Variants in FMN1 observed in about 807,000 individuals in gnomAD.
The protein encoded by FMN1 is formin-1.
Under a neutral mutation model 132.4 loss-of-function variants are expected in FMN1, and 110 were observed. That is an observed-to-expected ratio of 0.83 (90% CI 0.71 to 0.97). The LOEUF is 0.97. Ranked by LOEUF, FMN1 falls within the 50% of genes least tolerant of loss-of-function variation. The pLI is 0.00. For missense variants in FMN1, 1,792 were observed against 1,705.3 expected, an observed-to-expected ratio of 1.05 and a Z score of -0.90; for synonymous variants, 722 against 651.7, an observed-to-expected ratio of 1.11 and a Z score of -1.64.
chr15:33,135,600 C>T (rs1014408774), intron 4 of FMN1, among the ~76,000 whole-genome samples: 99 of 152,292 alleles, frequency 6.5e-4, no homozygotes, highest in African/African-American at 2.2e-3. Context: ...AACAAGGAGG[C>T]CTCGTGCCAG....
chr15:33,088,558 G>A (rs2038788544), intron 5 of FMN1, among the ~76,000 whole-genome samples: 1 of 152,178 alleles, frequency 6.6e-6, no homozygotes, highest in African/African-American at 2.4e-5. Flanking sequence ...AGAGCGCTCT[G>A]AGAACACTCA....
rs2060769333 is a variant in FMN1, at chr15:32,919,534, C to T, written c.3226+6640G>A. On this transcript the variant is annotated intron_variant, in intron 10 of 20. Coordinates refer to ENST00000616417, the MANE Select transcript of FMN1 (RefSeq NM_001277313.2). ...CCCAAAGCCATCAAAATTAGCAAGA[C>T]ATTTAAAAATATTACTAATCTTATT... 4.6e-5 allele frequency among the ~76,000 whole-genome samples: 7 copies of T among 152,274 alleles called. 1 individual carries two copies. In the South Asian group the frequency reaches 1.4e-3, roughly 32 times the overall value.
intron 7 of FMN1, among the ~76,000 whole-genome samples, chr15:32,987,777 T>C (rs942144206): frequency 1.3e-5 from 2 of 152,172 alleles, no homozygotes; most frequent in African/African-American, 4.8e-5. Context: ...AAGCATAGAA[T>C]TAAATCCGAA....
chr15:32,935,259 A>G (rs2061236478), intron 9 of FMN1, among the ~76,000 whole-genome samples: 1 of 152,000 alleles, frequency 6.6e-6, no homozygotes, highest in Non-Finnish European at 1.5e-5. Context: ...CTTACTTGGT[A>G]ATTTTCTTTC....
chr15:33,157,132 G>A (rs2140292793), intron 3 of FMN1, among the ~76,000 whole-genome samples: 1 of 152,172 alleles, frequency 6.6e-6, no homozygotes, highest in Admixed American at 6.5e-5. Context: ...GTGTGTGGTG[G>A]TGCATGCCTA....
intron 6 of FMN1, among the ~76,000 whole-genome samples, chr15:33,010,182 T>A (rs555077396): frequency 6.6e-5 from 10 of 152,156 alleles, no homozygotes; most frequent in Non-Finnish European, 1.0e-4. Flanking sequence ...AAAGGCACTA[T>A]GCAGAGTGAA....
chr15:33,118,089 TTC>T (rs762331292), intron 4 of FMN1, among the ~76,000 whole-genome samples: 15 of 152,208 alleles, frequency 9.9e-5, no homozygotes, highest in Non-Finnish European at 1.6e-4. Context: ...ATCACATGAA[TTC>T]TGAGAAAATG....
At chr15:33,127,370 TAC>T (rs1183610132) in intron 4 of FMN1, among the ~76,000 whole-genome samples, 1 of 152,178 alleles carries the variant, frequency 6.6e-6, no homozygotes, top group African/African-American at 2.4e-5. Context: ...ACTCTGTTCA[TAC>T]ACAGACCACC....
chr15:33,052,056 T>C (rs2036998524), intron 6 of FMN1, among the ~76,000 whole-genome samples: 1 of 152,212 alleles, frequency 6.6e-6, no homozygotes, highest in Non-Finnish European at 1.5e-5. Flanking sequence ...GAGGAAAGAA[T>C]TGAGGCCGAT....
In FMN1 at chr15:33,044,141, C is replaced by A. The variant is rs185606454; in HGVS notation, c.2161+20816G>T. Among the ~76,000 whole-genome samples the A allele has an allele frequency of 1.4e-3, 208 of 152,318 alleles. 1 individual carries two copies. Among genetic ancestry groups the A allele is most frequent in the African/African-American group, 4.4e-3 (184 of 41,566 alleles). On this transcript the variant is annotated intron_variant, in intron 6 of 20. Transcript: ENST00000616417. ...TGCCAGCCCCCTGGGGCCTTGGTGC[C>A]CTCAAGACTTTGGGCACCAATGAGC...
In FMN1 at chr15:33,010,914, T is replaced by A. The variant is rs944349922; in HGVS notation, c.2162-2839A>T. ...ACATATTTTACTAAAAAAAAAAAAA[T>A]AAACGCAGAAAGACAAGTGGGCAAG... On this transcript the variant is annotated intron_variant, in intron 6 of 20. Coordinates refer to ENST00000616417, the MANE Select transcript of FMN1 (RefSeq NM_001277313.2). Among the ~76,000 whole-genome samples, 256 of 148,956 alleles carry A rather than the reference T, an allele frequency of 1.7e-3. 2 individuals are homozygous for A. In the East Asian group the frequency reaches 0.037, roughly 22 times the overall value.
intron 6 of FMN1, among the ~76,000 whole-genome samples, chr15:33,017,740 G>A (rs1320492524): frequency 6.6e-6 from 1 of 152,144 alleles, no homozygotes; most frequent in African/African-American, 2.4e-5. Flanking sequence ...GTTTCTTACC[G>A]CTATGGTTTG....
At chr15:33,088,245 G>A (rs1361713358) in intron 5 of FMN1, among the ~76,000 whole-genome samples, 1 of 152,092 alleles carries the variant, frequency 6.6e-6, no homozygotes, top group East Asian at 1.9e-4. Context: ...AAACTGCAGA[G>A]GTTATTAAAA....
intron 16 of FMN1, among the ~76,000 whole-genome samples, chr15:32,859,870 T>A (rs2059223383): frequency 6.6e-6 from 1 of 152,010 alleles, no homozygotes; most frequent in Admixed American, 6.5e-5. Context: ...ACCTTGTCTC[T>A]CAAAAAAAAT....
chr15:33,155,894 C>T (rs965749977), intron 3 of FMN1, among the ~76,000 whole-genome samples: 1 of 152,152 alleles, frequency 6.6e-6, no homozygotes, highest in South Asian at 2.1e-4. Flanking sequence ...TGGCTACCAT[C>T]CCCACACACA....
intron 17 of FMN1, among the ~76,000 whole-genome samples, chr15:32,827,009 G>T (rs2058383040): frequency 6.6e-6 from 1 of 152,214 alleles, no homozygotes; most frequent in South Asian, 2.1e-4. Context: ...TTCAGGGATG[G>T]CATGTCCTCA....
intron 4 of FMN1, among the ~76,000 whole-genome samples, chr15:33,113,409 TTTCTTTC>T (rs1300081344): frequency 7.2e-5 from 8 of 111,300 alleles, no homozygotes; most frequent in Admixed American, 1.1e-4. Flanking sequence ...CATTCCAGCC[TTTCTTTC>T]TTTACAAAAT....
At chr15:33,060,027 T>C (rs190668363) in intron 6 of FMN1, among the ~76,000 whole-genome samples, 87 of 152,346 alleles carry the variant, frequency 5.7e-4, no homozygotes, top group Non-Finnish European at 8.5e-4. Context: ...ACTTCACCTC[T>C]AGTTTCCCAG....
intron 5 of FMN1, among the ~76,000 whole-genome samples, chr15:33,083,324 G>A (rs529415374): frequency 5.9e-5 from 9 of 152,128 alleles, no homozygotes; most frequent in South Asian, 2.1e-4. Context: ...TTGGTGAAAG[G>A]GGCATCTTTT....
Sources: allele counts gnomAD v4.1 joint callset (sites outside exome capture counted in the v4.1 genomes callset), GRCh38; gene constraint gnomAD v4.1.1; transcripts MANE v1.5; gene names NCBI Gene and HGNC (gene_info 2026-07-23, HGNC 2026-07-21).